Variants in DAAM1 observed in about 807,000 individuals in gnomAD.
The protein encoded by DAAM1 is dishevelled associated activator of morphogenesis 1.
DAAM1 carries 52 observed loss-of-function variants against 130.0 expected under a neutral mutation model. The observed-to-expected ratio is 0.40, with a 90% CI of 0.32 to 0.50. The LOEUF (loss-of-function observed/expected upper bound fraction) is 0.50, where lower values mean the gene tolerates loss of function less well. DAAM1 is among the 20% of genes least tolerant of loss of function. DAAM1 has a pLI of 0.61. For missense variants in DAAM1, 1,134 were observed against 1,303.8 expected (o/e 0.87, Z 2.01); for synonymous variants, 452 against 444.5 (o/e 1.02, Z -0.21).
rs544128448 is a variant in DAAM1 at position 59,234,902 on chromosome 14, A to G, written c.-37-28539A>G. 5.9e-5 allele frequency among the ~76,000 whole-genome samples: 9 copies of G among 152,186 alleles called. No individual in the cohort carries two copies. The South Asian group carries it at 1.9e-3, about 32-fold the overall frequency. The stretch of plus-strand genomic sequence containing the variant: ...CTTTTCTGCATCTATTGAGATAATC[A>G]TGTGGTTTTTTTCCTTGGTTCTGTT... On this transcript the variant is annotated intron_variant, in intron 1 of 24. Coordinates refer to ENST00000360909, the MANE Select transcript of DAAM1 (RefSeq NM_001270520.2).
At chr14:59,350,823 G>A (rs753061356) in intron 17 of DAAM1, among the ~76,000 whole-genome samples, 20 of 151,964 alleles carry the variant, frequency 1.3e-4, no homozygotes, top group Non-Finnish European at 2.2e-4. Context: ...TCTTGTCCTG[G>A]CGCCTTGAAT....
At chr14:59,210,786 A>G (rs542240358) in intron 1 of DAAM1, among the ~76,000 whole-genome samples, 43 of 152,340 alleles carry the variant, frequency 2.8e-4, no homozygotes, top group African/African-American at 1.0e-3. Flanking sequence ...AAACCAGGGA[A>G]ATGATACATA....
chr14:59,267,016 C>T (rs1035375105), intron 2 of DAAM1, among the ~76,000 whole-genome samples: 2 of 152,212 alleles, frequency 1.3e-5, no homozygotes, highest in African/African-American at 2.4e-5. Flanking sequence ...AGATGATTTA[C>T]ACCCCACAGA....
At chr14:59,243,703 TTCTC>T (rs929458701) in intron 1 of DAAM1, among the ~76,000 whole-genome samples, 5 of 152,214 alleles carry the variant, frequency 3.3e-5, no homozygotes, top group African/African-American at 1.2e-4. Context: ...GATGTTTCCT[TTCTC>T]TCAGCAATCA....
intron 1 of DAAM1, among the ~76,000 whole-genome samples, chr14:59,247,998 C>T (rs145870396): frequency 5.1e-4 from 78 of 152,288 alleles, no homozygotes; most frequent in African/African-American, 1.8e-3. Context: ...CCGTATTTAG[C>T]CACTGATGAC....
intron 20 of DAAM1, among the ~76,000 whole-genome samples, chr14:59,357,594 T>C (rs1290991616): frequency 2.6e-5 from 4 of 152,130 alleles, no homozygotes; most frequent in African/African-American, 9.7e-5. Flanking sequence ...CTGGCTAACG[T>C]GGTGAAACCT....
chr14:59,334,938 G>C (rs1449907295), intron 15 of DAAM1, among the ~76,000 whole-genome samples: 2 of 152,256 alleles, frequency 1.3e-5, no homozygotes, highest in East Asian at 3.9e-4. Context: ...TTACATTCCT[G>C]ATGCCAAGTA....
chr14:59,290,039 C>A (rs1352313578), intron 2 of DAAM1, among the ~76,000 whole-genome samples: 1 of 151,954 alleles, frequency 6.6e-6, no homozygotes, highest in Admixed American at 6.6e-5. Context: ...GTGCTCAGTA[C>A]CTTAGTGATG....
intron 18 of DAAM1, 138 bp from the exon 19 acceptor site, chr14:59,353,738 A>C (rs1886371031): frequency 1.3e-6 from 1 of 767,582 alleles, no homozygotes. Flanking sequence ...TGTCCATGAG[A>C]ACAACTAATG....
At chr14:59,349,429 T>G (rs1416936494) in intron 17 of DAAM1, among the ~76,000 whole-genome samples, 1 of 152,230 alleles carries the variant, frequency 6.6e-6, no homozygotes, top group African/African-American at 2.4e-5. Flanking sequence ...TCTGGACAAG[T>G]AGGATATTTT....
chr14:59,282,520 T>G (rs1344134902), intron 2 of DAAM1, among the ~76,000 whole-genome samples: 1 of 152,140 alleles, frequency 6.6e-6, no homozygotes, highest in East Asian at 1.9e-4. Context: ...CCACTCTTTT[T>G]GCTAAGAGAC....
At chr14:59,312,789 A>T (rs1401101544) in intron 3 of DAAM1, among the ~76,000 whole-genome samples, 1 of 152,236 alleles carries the variant, frequency 6.6e-6, no homozygotes, top group Non-Finnish European at 1.5e-5. Context: ...GATGTTTAAA[A>T]AAACAAAAGT....
chr14:59,223,602 A>G (rs182124838), intron 1 of DAAM1, among the ~76,000 whole-genome samples: 320 of 152,312 alleles, frequency 2.1e-3, no homozygotes, highest in African/African-American at 7.5e-3. Context: ...GCCTGGATCT[A>G]TTGCAGAGCT....
At chr14:59,255,515 A>G (rs1056056900) in intron 1 of DAAM1, among the ~76,000 whole-genome samples, 8 of 151,956 alleles carry the variant, frequency 5.3e-5, no homozygotes, top group Non-Finnish European at 1.0e-4. Context: ...TTCCTTTCAC[A>G]TTTTTCTTGA....
chr14:59,309,863 C>T (rs1303339399), intron 3 of DAAM1, among the ~76,000 whole-genome samples: 1 of 152,172 alleles, frequency 6.6e-6, no homozygotes, highest in East Asian at 1.9e-4. Context: ...ATCTTCTGTG[C>T]TTCTCTTTCT....
chr14:59,341,429 T>C (rs762521676), intron 16 of DAAM1, among the ~76,000 whole-genome samples: 1 of 152,242 alleles, frequency 6.6e-6, no homozygotes, highest in Non-Finnish European at 1.5e-5. Flanking sequence ...TTTCACTTTC[T>C]GCGTTTTCAG....
intron 2 of DAAM1, among the ~76,000 whole-genome samples, chr14:59,283,596 C>A (rs1188269840): frequency 2.0e-5 from 3 of 152,118 alleles, no homozygotes; most frequent in African/African-American, 7.2e-5. Context: ...AACAACAGTA[C>A]AGTTGCCACC....
At chr14:59,342,341 G>A (rs1272803959) in intron 16 of DAAM1, among the ~76,000 whole-genome samples, 1 of 152,186 alleles carries the variant, frequency 6.6e-6, no homozygotes, top group African/African-American at 2.4e-5. Flanking sequence ...CCGTCCTTTT[G>A]TGCTCACTGG....
chr14:59,272,683 G>T (rs947547865), intron 2 of DAAM1, among the ~76,000 whole-genome samples: 1 of 151,874 alleles, frequency 6.6e-6, no homozygotes, highest in Non-Finnish European at 1.5e-5. Context: ...GAGAGGGAGG[G>T]AGGGGGAGAG....
Sources: allele counts gnomAD v4.1 joint callset (sites outside exome capture counted in the v4.1 genomes callset), GRCh38; gene constraint gnomAD v4.1.1; transcripts MANE v1.5; gene names NCBI Gene and HGNC (gene_info 2026-07-23, HGNC 2026-07-21).